Variants in CTXND1 observed in about 807,000 individuals in gnomAD.
CTXND1 encodes cortexin domain-containing 1 protein.
intron 1 of CTXND1, among the ~76,000 whole-genome samples, chr15:80,204,172 AT>A (rs1567127618): frequency 0.032 from 1,476 of 45,690 alleles, 25 homozygotes; most frequent in Middle Eastern, 0.091. Context: ...AAAAAAAAAT[AT>A]ATATATATAT....
At chr15:80,239,790 T>A (rs1333570899) in intron 1 of CTXND1, among the ~76,000 whole-genome samples, 1 of 152,194 alleles carries the variant, frequency 6.6e-6, no homozygotes, top group Non-Finnish European at 1.5e-5. Context: ...CATTCAAGGA[T>A]CACCATGCTC....
chr15:80,240,005 G>A (rs995292136), intron 1 of CTXND1, among the ~76,000 whole-genome samples: 5 of 151,888 alleles, frequency 3.3e-5, no homozygotes, highest in African/African-American at 1.2e-4. Flanking sequence ...TGCTCTTGTT[G>A]CCCAGGCTGG....
Position 80,237,336 on chromosome 15 carries a change from G to GAAA in CTXND1, c.-218+14668_-218+14670dup, listed in dbSNP as rs201997173. Among the ~76,000 whole-genome samples, 271 of 101,434 alleles carry GAAA rather than the reference G, an allele frequency of 2.7e-3. 2 individuals are homozygous for GAAA. Among genetic ancestry groups the GAAA allele is most frequent in the Non-Finnish European group, 4.0e-3 (196 of 49,598 alleles). 66.5% of individuals were successfully genotyped at this position (101,434 alleles called of 152,430 possible). ...GGCGACAGAGCGAGACAGTGTCTCA[G>GAAA]AAAAAAAAAAAAAAAAAAAAAGAAA... On this transcript the variant is annotated intron_variant, in intron 1 of 2. Transcript: ENST00000560778.
intron 1 of CTXND1, among the ~76,000 whole-genome samples, chr15:80,222,801 G>T (rs923574056): frequency 1.3e-5 from 2 of 151,796 alleles, no homozygotes; most frequent in African/African-American, 4.8e-5. Flanking sequence ...CACTAAATCT[G>T]CCATAGTATT....
chr15:80,246,988 T>C (rs1277853079), intron 1 of CTXND1, among the ~76,000 whole-genome samples: 5 of 152,308 alleles, frequency 3.3e-5, no homozygotes, highest in South Asian at 4.1e-4. Flanking sequence ...TAATTTCATA[T>C]AGTCTCCTCT....
intron 1 of CTXND1, among the ~76,000 whole-genome samples, chr15:80,204,647 G>GTGTATA (rs1399579470): frequency 5.3e-5 from 7 of 131,342 alleles, no homozygotes; most frequent in African/African-American, 1.7e-4. Flanking sequence ...ATATTCCATT[G>GTGTATA]TATATATATA....
Position 80,251,224 on chromosome 15 carries a change from C to T in CTXND1, c.-218+783G>A, listed in dbSNP as rs193231483. On this transcript the variant is annotated intron_variant, in intron 1 of 2. Transcript: ENST00000560778. Reference sequence around the variant, plus strand: ...TTGGATTTTCTAACAGGTTCTTTTCCAGAACTTTTGCTGCGGGCACGGAGA... The same window carrying T: ...TTGGATTTTCTAACAGGTTCTTTTCTAGAACTTTTGCTGCGGGCACGGAGA... Among the ~76,000 whole-genome samples the T allele has an allele frequency of 2.6e-3, 391 of 152,272 alleles. 4 individuals are homozygous for T. Among genetic ancestry groups the T allele is most frequent in the African/African-American group, 8.9e-3 (368 of 41,548 alleles).
intron 1 of CTXND1, 141 bp downstream of exon 1, chr15:80,251,866 A>G (rs1041986837): frequency 5.9e-5 from 9 of 151,974 alleles, no homozygotes; most frequent in African/African-American, 2.2e-4. Flanking sequence ...CCGCCGCGGC[A>G]GGGCTCGGCC....
At chr15:80,225,242 A>C (rs958967043) in intron 1 of CTXND1, among the ~76,000 whole-genome samples, 1 of 152,224 alleles carries the variant, frequency 6.6e-6, no homozygotes, top group East Asian at 1.9e-4. Context: ...TTGGCAACAA[A>C]TATATTATTT....
intron 1 of CTXND1, among the ~76,000 whole-genome samples, chr15:80,213,607 A>C (rs1449624482): frequency 6.6e-6 from 1 of 152,250 alleles, no homozygotes; most frequent in Non-Finnish European, 1.5e-5. Context: ...GCTGGCAGTG[A>C]CTAAGAGTAG....
chr15:80,208,409 G>A (rs1458405470), intron 1 of CTXND1, among the ~76,000 whole-genome samples: 1 of 152,176 alleles, frequency 6.6e-6, no homozygotes, highest in Non-Finnish European at 1.5e-5. Context: ...CATGCTGGGG[G>A]TGGAAGGTCA....
intron 1 of CTXND1, among the ~76,000 whole-genome samples, chr15:80,234,755 A>G (rs1350967401): frequency 6.6e-6 from 1 of 152,130 alleles, no homozygotes; most frequent in Non-Finnish European, 1.5e-5. Context: ...TGGGATTATA[A>G]GCGTGAGCCA....
chr15:80,220,801 TA>T (rs1467305954), intron 1 of CTXND1, among the ~76,000 whole-genome samples: 1 of 151,864 alleles, frequency 6.6e-6, no homozygotes, highest in Non-Finnish European at 1.5e-5. Flanking sequence ...TTTTACACCT[TA>T]TAATTAGTTA....
chr15:80,237,289 C>T (rs932150873), intron 1 of CTXND1, among the ~76,000 whole-genome samples: 16 of 144,968 alleles, frequency 1.1e-4, no homozygotes, highest in African/African-American at 3.3e-4. Context: ...GAGCCAAGAT[C>T]GCGCCACTGC....
At chr15:80,237,369 A>G (rs944024129) in intron 1 of CTXND1, among the ~76,000 whole-genome samples, 12 of 151,634 alleles carry the variant, frequency 7.9e-5, no homozygotes, top group African/African-American at 2.9e-4. Context: ...AAAGAAAAAG[A>G]AAACAGTGAA....
rs536596741 is a variant in CTXND1, at chr15:80,237,576, A to C, written c.-218+14431T>G. On this transcript the variant is annotated intron_variant, in intron 1 of 2. Coordinates refer to ENST00000560778, the MANE Select transcript of CTXND1 (RefSeq NM_001352888.2). ...TTTGTGTCTTAGTTTTTAACAAAAAAATTTAAAGGTTATAAAATAAAAATA... is the reference window on the plus strand; with the variant it reads ...TTTGTGTCTTAGTTTTTAACAAAAACATTTAAAGGTTATAAAATAAAAATA... Among the ~76,000 whole-genome samples the C allele has an allele frequency of 4.7e-4, 71 of 152,280 alleles. No individual in the cohort carries two copies. In the South Asian group the frequency reaches 0.015, roughly 31 times the overall value.
chr15:80,230,803 T>C (rs1387696478), intron 1 of CTXND1, among the ~76,000 whole-genome samples: 1 of 152,254 alleles, frequency 6.6e-6, no homozygotes, highest in East Asian at 1.9e-4. Flanking sequence ...ATGCCTATAA[T>C]CTCAGCAGTC....
At chr15:80,216,275 C>T (rs906108989) in intron 1 of CTXND1, among the ~76,000 whole-genome samples, 1 of 152,168 alleles carries the variant, frequency 6.6e-6, no homozygotes, top group African/African-American at 2.4e-5. Context: ...ATAGTATTTC[C>T]CCTAAATTAA....
intron 1 of CTXND1, among the ~76,000 whole-genome samples, chr15:80,242,493 G>A (rs1003158269): frequency 2.6e-5 from 4 of 152,188 alleles, no homozygotes; most frequent in Non-Finnish European, 5.9e-5. Context: ...GACTGTGTTT[G>A]AAACAAGTTC....
Sources: allele counts gnomAD v4.1 joint callset (sites outside exome capture counted in the v4.1 genomes callset), GRCh38; gene constraint gnomAD v4.1.1; transcripts MANE v1.5; gene names NCBI Gene and HGNC (gene_info 2026-07-23, HGNC 2026-07-21).